The following EIPR1 variants were observed in gnomAD, a reference collection of about 807,000 sequenced individuals.
EIPR1 encodes the protein EARP and GARP complex-interacting protein 1.
In EIPR1, 25 loss-of-function variants were observed where a neutral mutation model predicts 48.1. The ratio of observed to expected loss-of-function variants is 0.52; its 90% CI spans 0.38 to 0.73. EIPR1 has a LOEUF of 0.73. EIPR1 is among the 30% of genes least tolerant of loss of function. EIPR1 has a pLI of 0.00. For synonymous variants in EIPR1, 204 were observed against 201.9 expected, an observed-to-expected ratio of 1.01 and a Z score of -0.09; for missense variants, 415 against 506.2, an observed-to-expected ratio of 0.82 and a Z score of 1.73.
chr2:3,254,217 C>T (rs1461873545), intron 4 of EIPR1, among the ~76,000 whole-genome samples: 1 of 152,176 alleles, frequency 6.6e-6, no homozygotes, highest in Non-Finnish European at 1.5e-5. Flanking sequence ...CCATGGAAGA[C>T]ACTTAAAAGA....
At chr2:3,353,431 T>A (rs749878844) in intron 2 of EIPR1, 6 of 405,662 alleles carry the variant, frequency 1.5e-5, no homozygotes, top group Non-Finnish European at 2.5e-5. Context: ...TAAGTTGTCA[T>A]GTTTCTTAGG....
chr2:3,340,180 C>T (rs2103354456), intron 2 of EIPR1, among the ~76,000 whole-genome samples: 1 of 152,316 alleles, frequency 6.6e-6, no homozygotes, highest in Middle Eastern at 3.4e-3. Flanking sequence ...AATATGAGAA[C>T]GAACTAATAC....
At chr2:3,262,797 T>G (rs72765307) in intron 3 of EIPR1, among the ~76,000 whole-genome samples, 10,058 of 152,256 alleles carry the variant, frequency 0.066, 344 homozygotes, top group African/African-American at 0.074. Flanking sequence ...ATGGAGCTCC[T>G]GGCCATGGGG....
chr2:3,264,835 C>T (rs1387605354), intron 3 of EIPR1, among the ~76,000 whole-genome samples: 4 of 151,992 alleles, frequency 2.6e-5, no homozygotes, highest in Non-Finnish European at 4.4e-5. Context: ...TTACTGGTGC[C>T]GCCACCATGC....
At chr2:3,199,311 T>A (rs1479631996) in intron 5 of EIPR1, among the ~76,000 whole-genome samples, 1 of 152,076 alleles carries the variant, frequency 6.6e-6, no homozygotes, top group Non-Finnish European at 1.5e-5. Flanking sequence ...GAACAATGTG[T>A]GCAGTTAATG....
At chr2:3,376,623 G>A (rs1464811757) in intron 1 of EIPR1, among the ~76,000 whole-genome samples, 1 of 151,372 alleles carries the variant, frequency 6.6e-6, no homozygotes, top group African/African-American at 2.4e-5. Flanking sequence ...CCCGGGAGGC[G>A]GAGGTTGCAG....
At chr2:3,306,986 TG>T (rs1668966973) in intron 3 of EIPR1, among the ~76,000 whole-genome samples, 1 of 152,120 alleles carries the variant, frequency 6.6e-6, no homozygotes, top group South Asian at 2.1e-4. Context: ...TTTATTTTTT[TG>T]GAGGGAGTCT....
intron 3 of EIPR1, among the ~76,000 whole-genome samples, chr2:3,298,947 C>G (rs991358856): frequency 3.9e-5 from 6 of 152,108 alleles, no homozygotes; most frequent in South Asian, 4.1e-4. Context: ...TTACCTACCC[C>G]GCTCCTGCTC....
intron 2 of EIPR1, among the ~76,000 whole-genome samples, chr2:3,345,290 A>G (rs79804881): frequency 0.17 from 25,482 of 152,082 alleles, 2,703 homozygotes; most frequent in East Asian, 0.41. Context: ...TCTATAAAAA[A>G]AAAATTATTG....
Position 3,200,427 on chromosome 2 carries a change from C to T in EIPR1, c.517-3410G>A, listed in dbSNP as rs137900887. 3.1e-3 allele frequency among the ~76,000 whole-genome samples: 471 copies of T among 152,270 alleles called. 3 individuals carry two copies. Among genetic ancestry groups the T allele is most frequent in the Middle Eastern group, 0.017 (5 of 294 alleles). The stretch of plus-strand genomic sequence containing the variant: ...CTATCCGCTCTACTGTCGTATGTGC[C>T]AAGGGTGACTTACTGATCCTCTCTC... On this transcript the variant is annotated intron_variant, in intron 5 of 8. Coordinates refer to ENST00000382125, the MANE Select transcript of EIPR1 (RefSeq NM_003310.5).
intron 2 of EIPR1, among the ~76,000 whole-genome samples, chr2:3,340,677 T>C (rs758215412): frequency 6.6e-6 from 1 of 152,212 alleles, no homozygotes; most frequent in African/African-American, 2.4e-5. Context: ...ATGTGTCCCA[T>C]GACGCCACAT....
At chr2:3,213,086 G>A (rs187007672) in intron 5 of EIPR1, among the ~76,000 whole-genome samples, 1 of 152,288 alleles carries the variant, frequency 6.6e-6, no homozygotes, top group African/African-American at 2.4e-5. Flanking sequence ...TGAGGGAGAA[G>A]AGCTAAAAAA....
chr2:3,269,887 C>T (rs1191653176), intron 3 of EIPR1, among the ~76,000 whole-genome samples: 2 of 152,214 alleles, frequency 1.3e-5, no homozygotes, highest in South Asian at 2.1e-4. Context: ...GGGAAGCTCC[C>T]CAGCACGCGA....
chr2:3,218,914 C>T (rs1352420182), intron 4 of EIPR1, among the ~76,000 whole-genome samples: 1 of 149,522 alleles, frequency 6.7e-6, no homozygotes, highest in Admixed American at 6.7e-5. Flanking sequence ...CCAACACGGC[C>T]CCGATACGCT....
intron 3 of EIPR1, among the ~76,000 whole-genome samples, chr2:3,325,093 GC>G (rs1218619341): frequency 6.6e-6 from 1 of 152,196 alleles, no homozygotes; most frequent in African/African-American, 2.4e-5. Flanking sequence ...CTAGAGCACT[GC>G]CCCTCTCTGG....
In EIPR1 at chr2:3,234,973, A is replaced by G. The variant is rs57142541; in HGVS notation, c.417-20725T>C. Among the ~76,000 whole-genome samples the G allele has an allele frequency of 6.6e-3, 1,007 of 152,258 alleles. 17 individuals are homozygous for G. Among genetic ancestry groups the G allele is most frequent in the African/African-American group, 0.023 (963 of 41,558 alleles). ...TTTTCCTTGCTGGGATAGGAACTTG[A>G]CTCCTCAAGAAAATAGCTTTCTCTT... On this transcript the variant is annotated intron_variant, in intron 4 of 8. Coordinates refer to ENST00000382125, the MANE Select transcript of EIPR1 (RefSeq NM_003310.5).
At chr2:3,287,036 G>A (rs1278067102) in intron 3 of EIPR1, among the ~76,000 whole-genome samples, 5 of 148,644 alleles carry the variant, frequency 3.4e-5, no homozygotes, top group South Asian at 2.2e-4. Context: ...AGTGCCAGCC[G>A]GCAGAGGCGG....
chr2:3,267,440 C>T (rs1402422721), intron 3 of EIPR1, among the ~76,000 whole-genome samples: 7 of 152,272 alleles, frequency 4.6e-5, no homozygotes, highest in East Asian at 1.9e-4. Context: ...TGCGTCGCAG[C>T]AGCGGGTTCT....
intron 5 of EIPR1, among the ~76,000 whole-genome samples, chr2:3,201,980 A>G (rs1373559935): frequency 6.6e-6 from 1 of 152,156 alleles, no homozygotes; most frequent in Non-Finnish European, 1.5e-5. Context: ...TCTGCCACCC[A>G]GGCTGGAGTG....
Sources: allele counts gnomAD v4.1 joint callset (sites outside exome capture counted in the v4.1 genomes callset), GRCh38; gene constraint gnomAD v4.1.1; transcripts MANE v1.5; gene names NCBI Gene and HGNC (gene_info 2026-07-23, HGNC 2026-07-21).